CNTN5: variants seen among roughly 807,000 people sequenced by gnomAD.
The protein encoded by CNTN5 is contactin-5.
CNTN5 carries 77 observed loss-of-function variants against 129.1 expected under a neutral mutation model. That is an observed-to-expected ratio of 0.60 (90% confidence interval 0.50 to 0.72). The LOEUF is 0.72. CNTN5 is among the 30% of genes least tolerant of loss of function. The pLI is 0.00. For missense variants in CNTN5, 1,478 were observed against 1,328.8 expected (o/e 1.11, Z -1.75); for synonymous variants, 509 against 465.6 (o/e 1.09, Z -1.20).
intron 9 of CNTN5, among the ~76,000 whole-genome samples, chr11:100,007,144 A>G (rs1377407272): frequency 1.3e-5 from 2 of 152,084 alleles, no homozygotes; most frequent in South Asian, 2.1e-4. Flanking sequence ...TTAGTAAACC[A>G]TGCTGTAAAC....
intron 2 of CNTN5, among the ~76,000 whole-genome samples, chr11:99,554,310 C>T (rs970378729): frequency 2.0e-5 from 3 of 152,004 alleles, no homozygotes; most frequent in African/African-American, 7.2e-5. Context: ...CCACACTGTT[C>T]CACTCAAAAA....
chr11:99,477,728 T>C (rs943575732), intron 2 of CNTN5, among the ~76,000 whole-genome samples: 20 of 151,476 alleles, frequency 1.3e-4, no homozygotes, highest in Middle Eastern at 3.4e-3. Flanking sequence ...GGGAGGAGGA[T>C]TGCCTGAGGC....
chr11:100,285,604 A>G (rs1335097907), intron 18 of CNTN5, among the ~76,000 whole-genome samples: 1 of 152,240 alleles, frequency 6.6e-6, no homozygotes, highest in Admixed American at 6.5e-5. Context: ...TGAATGAAAG[A>G]CTATGCTAAC....
At chr11:99,358,167 C>T in intron 2 of CNTN5, among the ~76,000 whole-genome samples, 1 of 137,574 alleles carries the variant, frequency 7.3e-6, no homozygotes, top group East Asian at 2.6e-4. Context: ...CGGCTCACTG[C>T]AAGCTCCGCC....
chr11:99,240,761 A>G (rs1482498372), intron 1 of CNTN5, among the ~76,000 whole-genome samples: 2 of 152,202 alleles, frequency 1.3e-5, no homozygotes, highest in East Asian at 3.9e-4. Context: ...ACAAATACAA[A>G]CAAACAAACT....
intron 1 of CNTN5, among the ~76,000 whole-genome samples, chr11:99,051,798 T>C (rs1244051526): frequency 6.6e-6 from 1 of 151,866 alleles, no homozygotes; most frequent in Non-Finnish European, 1.5e-5. Flanking sequence ...TTTTCAGGGA[T>C]TGTAGTTTAT....
At chr11:99,080,211 C>G (rs1365199073) in intron 1 of CNTN5, among the ~76,000 whole-genome samples, 1 of 152,024 alleles carries the variant, frequency 6.6e-6, no homozygotes, top group Non-Finnish European at 1.5e-5. Context: ...AAGTGGAGTT[C>G]AAGTTATTTA....
chr11:99,909,163 T>G (rs1174118128), intron 6 of CNTN5, among the ~76,000 whole-genome samples: 1 of 152,164 alleles, frequency 6.6e-6, no homozygotes, highest in Non-Finnish European at 1.5e-5. Flanking sequence ...TTATTAAAAG[T>G]TAACATTTCC....
At chr11:99,202,074 T>C (rs1224238186) in intron 1 of CNTN5, among the ~76,000 whole-genome samples, 1 of 152,232 alleles carries the variant, frequency 6.6e-6, no homozygotes, top group African/African-American at 2.4e-5. Context: ...ATGATCCTAA[T>C]AGAAAAATTT....
At chr11:99,639,588 G>C (rs547291779) in intron 3 of CNTN5, among the ~76,000 whole-genome samples, 12 of 71,534 alleles carry the variant, frequency 1.7e-4, no homozygotes, top group African/African-American at 5.6e-4. Context: ...TTTTTGAGAC[G>C]GAGTTTTATC....
rs114754674 is a variant in CNTN5 at position 99,145,512 on chromosome 11, T to C, written c.-210+124242T>C. On this transcript the variant is annotated intron_variant, in intron 1 of 24. Transcript: ENST00000524871. ...TATTTTTGAAGACGATTTTTCTTCT[T>C]ATAATCCTATTTGTCTTCATTAAAA... is the stretch of plus-strand genomic sequence containing the variant. 2.7e-3 allele frequency among the ~76,000 whole-genome samples: 405 copies of C among 152,306 alleles called. 3 individuals are homozygous for C. The highest frequency in any genetic ancestry group is 9.2e-3 in the African/African-American group (381 of 41,572).
intron 2 of CNTN5, among the ~76,000 whole-genome samples, chr11:99,526,366 T>C (rs2135454768): frequency 6.6e-6 from 1 of 152,342 alleles, no homozygotes; most frequent in East Asian, 1.9e-4. Flanking sequence ...GAATAACCCA[T>C]TCAATTCATT....
chr11:99,161,774 A>C (rs77019029), intron 1 of CNTN5, among the ~76,000 whole-genome samples: 7,321 of 152,274 alleles, frequency 0.048, 205 homozygotes, highest in Middle Eastern at 0.071. Context: ...AAACCATTGT[A>C]GGTAGCAAAG....
At chr11:100,286,919 A>C (rs1950808442) in intron 18 of CNTN5, among the ~76,000 whole-genome samples, 1 of 152,146 alleles carries the variant, frequency 6.6e-6, no homozygotes, top group African/African-American at 2.4e-5. Context: ...AAAGGAGCTG[A>C]TGGAGCTGAA....
intron 3 of CNTN5, among the ~76,000 whole-genome samples, chr11:99,681,932 C>G (rs546477778): frequency 1.3e-5 from 2 of 152,072 alleles, no homozygotes; most frequent in South Asian, 4.1e-4. Flanking sequence ...ATTAGACTGG[C>G]TGTAGACTTC....
chr11:99,227,722 G>T (rs1334287759), intron 1 of CNTN5, among the ~76,000 whole-genome samples: 1 of 152,074 alleles, frequency 6.6e-6, no homozygotes, highest in East Asian at 1.9e-4. Context: ...TTTTAAAAAG[G>T]TACTTTTCTT....
At chr11:99,050,296 A>G (rs946979068) in intron 1 of CNTN5, among the ~76,000 whole-genome samples, 7 of 152,076 alleles carry the variant, frequency 4.6e-5, no homozygotes, top group Non-Finnish European at 8.8e-5. Flanking sequence ...AAGGCAAACT[A>G]AAGTGATTTG....
At chr11:100,257,256 G>T (rs376180032) in intron 17 of CNTN5, among the ~76,000 whole-genome samples, 5 of 152,258 alleles carry the variant, frequency 3.3e-5, no homozygotes, top group African/African-American at 9.6e-5. Flanking sequence ...TCTGGGCAGG[G>T]CATCTCTGAA....
chr11:99,287,991 C>T (rs939470529), intron 1 of CNTN5, among the ~76,000 whole-genome samples: 4 of 151,952 alleles, frequency 2.6e-5, no homozygotes, highest in African/African-American at 9.7e-5. Flanking sequence ...TTCTCAAGGA[C>T]CCTTATCCTC....
Sources: gnomAD v4.1 joint callset for allele counts (sites outside exome capture counted in the v4.1 genomes callset) on GRCh38, gnomAD v4.1.1 for gene constraint, MANE v1.5 for transcripts, NCBI Gene and HGNC (gene_info 2026-07-23, HGNC 2026-07-21) for gene names.